DAB2IP: variants seen among roughly 807,000 people sequenced by gnomAD.
DAB2IP encodes disabled homolog 2-interacting protein.
Under a neutral mutation model 107.2 loss-of-function variants are expected in DAB2IP, and 28 were observed. The observed-to-expected ratio is 0.26, with a 90% CI of 0.19 to 0.36. The LOEUF (loss-of-function observed/expected upper bound fraction) is 0.36. Among genes scored for constraint, DAB2IP ranks in the 10% least tolerant of loss-of-function variants. DAB2IP has a pLI of 1.00. For synonymous variants in DAB2IP, 755 were observed against 706.4 expected (o/e 1.07, Z -1.09); for missense variants, 1,400 against 1,644.7 (o/e 0.85, Z 2.57).
rs1362210934 is a variant in DAB2IP, at chr9:121,742,322, G to C, written c.363-14691G>C. On this transcript the variant is annotated intron_variant, in intron 3 of 15. Transcript: ENST00000408936. Reference sequence around the variant, plus strand: ...CCCATGCCTGTAATCCTAGCTACTCGGGAGGCTGAGGCAAGACAATCACTT... The same window carrying C: ...CCCATGCCTGTAATCCTAGCTACTCCGGAGGCTGAGGCAAGACAATCACTT... Among the ~76,000 whole-genome samples the C allele has an allele frequency of 3.9e-5, 6 of 152,176 alleles. No homozygotes were observed. In the East Asian group the frequency reaches 9.6e-4, roughly 24 times the overall value.
intron 14 of DAB2IP, among the ~76,000 whole-genome samples, chr9:121,781,007 A>C (rs1835586237): frequency 6.6e-6 from 1 of 151,784 alleles, no homozygotes; most frequent in East Asian, 1.9e-4. Context: ...TGCCTTGTGA[A>C]CTCCTTGAGG....
chr9:121,632,218 G>T (rs1106006), intron 1 of DAB2IP, among the ~76,000 whole-genome samples: 58,899 of 152,086 alleles, frequency 0.39, 13,782 homozygotes, highest in East Asian at 0.64. Flanking sequence ...CATCTAAGAC[G>T]CACGGTGATA....
chr9:121,664,097 CAT>C (rs1833319432), intron 1 of DAB2IP, among the ~76,000 whole-genome samples: 1 of 152,182 alleles, frequency 6.6e-6, no homozygotes, highest in Non-Finnish European at 1.5e-5. Context: ...ATTTTTATTA[CAT>C]AGAGACAACT....
At chr9:121,626,242 G>C (rs1294833980) in intron 1 of DAB2IP, among the ~76,000 whole-genome samples, 1 of 151,894 alleles carries the variant, frequency 6.6e-6, no homozygotes, top group Non-Finnish European at 1.5e-5. Flanking sequence ...CTGGCACTGG[G>C]CATCCCTGGA....
At chr9:121,777,253 C>T (rs1835271010) in intron 14 of DAB2IP, among the ~76,000 whole-genome samples, 1 of 152,200 alleles carries the variant, frequency 6.6e-6, no homozygotes, top group Non-Finnish European at 1.5e-5. Context: ...TGTGCAAGAG[C>T]CAGGAAGGCC....
At chr9:121,577,042 A>G (rs1481134690) in intron 1 of DAB2IP, among the ~76,000 whole-genome samples, 1 of 151,516 alleles carries the variant, frequency 6.6e-6, no homozygotes, top group South Asian at 2.1e-4. Flanking sequence ...CTTGACCATT[A>G]CTCGCCTCTG....
At chr9:121,685,596 C>T (rs1198735831) in intron 2 of DAB2IP, among the ~76,000 whole-genome samples, 1 of 152,258 alleles carries the variant, frequency 6.6e-6, no homozygotes, top group Non-Finnish European at 1.5e-5. Flanking sequence ...GAGCCCAGCT[C>T]TCGTCTGCGA....
chr9:121,740,501 A>G (rs545793040), intron 3 of DAB2IP, among the ~76,000 whole-genome samples: 10 of 152,250 alleles, frequency 6.6e-5, no homozygotes, highest in Admixed American at 3.3e-4. Flanking sequence ...CTTTACACCA[A>G]GGGTATTTCT....
intron 1 of DAB2IP, among the ~76,000 whole-genome samples, chr9:121,642,029 C>CTCTTTCTTTCTTTCTT (rs1156645580): frequency 0.013 from 345 of 26,114 alleles, 7 homozygotes; most frequent in East Asian, 0.027. Context: ...CTCTCTCTCT[C>CTCTTTCTTTCTTTCTT]TCTTTCTTTC....
intron 1 of DAB2IP, among the ~76,000 whole-genome samples, chr9:121,585,771 A>C (rs550762216): frequency 1.3e-5 from 2 of 152,114 alleles, no homozygotes; most frequent in Non-Finnish European, 2.9e-5. Flanking sequence ...GGAGGATCAC[A>C]TGAGACCAGG....
intron 1 of DAB2IP, chr9:121,567,341 C>G: frequency 6.6e-7 from 1 of 1,508,242 alleles, no homozygotes; most frequent in Non-Finnish European, 9.1e-7. Context: ...GGCATCTGGG[C>G]ACTGTCTGGT....
At chr9:121,641,992 CCTTT>C (rs1832335745) in intron 1 of DAB2IP, among the ~76,000 whole-genome samples, 1 of 29,328 alleles carries the variant, frequency 3.4e-5, no homozygotes, top group Non-Finnish European at 5.6e-5. Context: ...TTCTTTCTTT[CCTTT>C]CTCTCTCTCT....
chr9:121,688,317 G>A (rs535115983), intron 2 of DAB2IP, among the ~76,000 whole-genome samples: 1 of 152,230 alleles, frequency 6.6e-6, no homozygotes, highest in African/African-American at 2.4e-5. Flanking sequence ...AGTGACATCT[G>A]TTTCTAACAC....
chr9:121,732,103 AGC>A (rs1831578880), intron 3 of DAB2IP, among the ~76,000 whole-genome samples: 2 of 152,152 alleles, frequency 1.3e-5, no homozygotes, highest in Non-Finnish European at 2.9e-5. Context: ...CAATAGAACC[AGC>A]AGTCACAGGC....
At chr9:121,673,253 A>T (rs10124701) in intron 1 of DAB2IP, among the ~76,000 whole-genome samples, 14,580 of 152,108 alleles carry the variant, frequency 0.096, 1,092 homozygotes, top group African/African-American at 0.21. Flanking sequence ...TGTCCCCTCC[A>T]TCTTCTCTGG....
intron 3 of DAB2IP, among the ~76,000 whole-genome samples, chr9:121,730,288 A>G (rs919415177): frequency 3.9e-5 from 6 of 152,162 alleles, no homozygotes; most frequent in Admixed American, 1.3e-4. Context: ...TTTAAACTCA[A>G]TTATTTTCTC....
rs1185396567 is a variant in DAB2IP, at chr9:121,702,213, G to T, written c.362+2755G>T. ...TGTGTTGGGGAGGTGGTTTTTTTGC[G>T]CTGGAATTCTCTCATCTGGAGGTTG... On this transcript the variant is annotated intron_variant, in intron 3 of 15. Coordinates refer to ENST00000408936, the Ensembl canonical transcript of DAB2IP. The surrounding 1 kb of genome is among the most constrained non-coding windows in gnomAD (Gnocchi z 4.5). 1.3e-5 allele frequency among the ~76,000 whole-genome samples: 2 copies of T among 152,106 alleles called. No homozygotes were observed. Among genetic ancestry groups the T allele is most frequent in the African/African-American group, 4.8e-5 (2 of 41,418 alleles).
At chr9:121,655,402 C>T (rs1321298094) in intron 1 of DAB2IP, among the ~76,000 whole-genome samples, 1 of 152,192 alleles carries the variant, frequency 6.6e-6, no homozygotes. Context: ...AAGTTCTGAC[C>T]CATTCATTCA....
chr9:121,625,241 C>CTTTTTT (rs55645811), intron 1 of DAB2IP, among the ~76,000 whole-genome samples: 1 of 127,846 alleles, frequency 7.8e-6, no homozygotes, highest in Non-Finnish European at 1.6e-5. Flanking sequence ...AGTGGCTGGG[C>CTTTTTT]TTTTTTTTTT....
Sources: gnomAD v4.1 joint callset for allele counts (sites outside exome capture counted in the v4.1 genomes callset) on GRCh38, gnomAD v4.1.1 for gene constraint, Gnocchi (gnomAD v3.1) non-coding constraint, MANE v1.5 for transcripts, NCBI Gene and HGNC (gene_info 2026-07-23, HGNC 2026-07-21) for gene names.